Variants in HS1BP3 observed in about 807,000 individuals in gnomAD.
HS1BP3 encodes the protein HCLS1 binding protein 3, also known as HCLS1-binding protein 3.
A neutral mutation model predicts 33.5 loss-of-function variants in HS1BP3; 32 were observed. The ratio of observed to expected loss-of-function variants is 0.95; its 90% CI spans 0.72 to 1.28. The LOEUF (loss-of-function observed/expected upper bound fraction) is 1.28. Ranked by LOEUF, HS1BP3 falls within the 50% of genes most tolerant of loss-of-function variation. The pLI, the probability that HS1BP3 is intolerant of heterozygous loss-of-function variation, is 0.00. For missense variants in HS1BP3, 486 were observed against 502.3 expected (o/e 0.97, Z 0.31); for synonymous variants, 187 against 209.2 (o/e 0.89, Z 0.92).
At chr2:20,600,825 T>TA (rs552760597) in intron 2 of HS1BP3, among the ~76,000 whole-genome samples, 8 of 152,244 alleles carry the variant, frequency 5.3e-5, no homozygotes, top group Admixed American at 2.0e-4. Context: ...TGTATTTTTA[T>TA]AAAAAAATAT....
At chr2:20,593,732 G>T (rs75998307) in intron 3 of HS1BP3, among the ~76,000 whole-genome samples, 5,244 of 152,248 alleles carry the variant, frequency 0.034, 113 homozygotes, top group African/African-American at 0.058. Context: ...ACAGTTAGCC[G>T]AGTGTGTGCA....
intron 4 of HS1BP3, among the ~76,000 whole-genome samples, chr2:20,633,905 G>C (rs920869196): frequency 6.6e-6 from 1 of 152,260 alleles, no homozygotes; most frequent in Non-Finnish European, 1.5e-5. Context: ...GTGGAGTGCC[G>C]CCTGCGTGAC....
chr2:20,576,232 C>T (rs890381845), intron 5 of HS1BP3, among the ~76,000 whole-genome samples: 3 of 152,208 alleles, frequency 2.0e-5, no homozygotes, highest in African/African-American at 4.8e-5. Context: ...CCTCCTACCT[C>T]GGCCTCCAAA....
At chr2:20,579,367 C>A (rs949961332) in intron 5 of HS1BP3, among the ~76,000 whole-genome samples, 15 of 152,258 alleles carry the variant, frequency 9.9e-5, no homozygotes, top group African/African-American at 2.9e-4. Context: ...ACCGGGACTT[C>A]GAGAGACAGG....
chr2:20,571,248 C>T (rs1329173775), intron 5 of HS1BP3, among the ~76,000 whole-genome samples: 10 of 152,202 alleles, frequency 6.6e-5, no homozygotes, highest in Non-Finnish European at 1.0e-4. Context: ...TCAGGCCTTT[C>T]CCCCAGCCTT....
At chr2:20,631,180 T>C (rs1694955755) in intron 4 of HS1BP3, among the ~76,000 whole-genome samples, 1 of 152,112 alleles carries the variant, frequency 6.6e-6, no homozygotes, top group Non-Finnish European at 1.5e-5. Context: ...GGCTCACTTA[T>C]GCTTTCTACT....
chr2:20,587,921 C>T (rs979356330), downstream of HS1BP3, among the ~76,000 whole-genome samples: 2 of 152,094 alleles, frequency 1.3e-5, no homozygotes, highest in Non-Finnish European at 1.5e-5. Flanking sequence ...CCTGTCTCAA[C>T]GTCCGGGCCT....
chr2:20,584,012 T>C (rs1693622553), intron 5 of HS1BP3, among the ~76,000 whole-genome samples: 1 of 152,234 alleles, frequency 6.6e-6, no homozygotes, highest in Non-Finnish European at 1.5e-5. Flanking sequence ...AATTAGTGTT[T>C]TGACCCTCCA....
intron 5 of HS1BP3, among the ~76,000 whole-genome samples, chr2:20,563,928 G>A (rs575252975): frequency 5.6e-4 from 85 of 152,302 alleles, no homozygotes; most frequent in Non-Finnish European, 9.1e-4. Context: ...AGAAGCTCGG[G>A]GCAATGGAAC....
chr2:20,628,620 G>A (rs1694867566), intron 4 of HS1BP3, among the ~76,000 whole-genome samples: 1 of 145,532 alleles, frequency 6.9e-6, no homozygotes, highest in African/African-American at 2.5e-5. Flanking sequence ...GGGTGACAAA[G>A]TGAGACTTTG....
At chr2:20,585,700 C>T (rs1018157750) in intron 5 of HS1BP3, among the ~76,000 whole-genome samples, 1 of 152,220 alleles carries the variant, frequency 6.6e-6, no homozygotes, top group Non-Finnish European at 1.5e-5. Context: ...CATTAACGTC[C>T]TGCAGTGATC....
At chr2:20,578,959 G>T (rs958506197) in intron 5 of HS1BP3, among the ~76,000 whole-genome samples, 5 of 152,232 alleles carry the variant, frequency 3.3e-5, no homozygotes, top group Admixed American at 2.6e-4. Context: ...TGAAACCTCT[G>T]TTGAAGGCAG....
chr2:20,584,628 G>A (rs148140581), intron 5 of HS1BP3, among the ~76,000 whole-genome samples: 17 of 152,200 alleles, frequency 1.1e-4, no homozygotes, highest in African/African-American at 4.1e-4. Context: ...AGCTGATCCA[G>A]GGCTTCTTGG....
intron 2 of HS1BP3, among the ~76,000 whole-genome samples, chr2:20,642,362 T>TC (rs1553324162): frequency 6.6e-6 from 1 of 152,084 alleles, no homozygotes; most frequent in Admixed American, 6.5e-5. Flanking sequence ...AGGAGGCAGC[T>TC]GGGGGGATTT....
At chr2:20,585,746 GC>G (rs1180447356) in intron 5 of HS1BP3, among the ~76,000 whole-genome samples, 1 of 152,164 alleles carries the variant, frequency 6.6e-6, no homozygotes, top group Non-Finnish European at 1.5e-5. Context: ...TGGCCATTTT[GC>G]CTTGTTCGTT....
At chr2:20,564,593 C>T (rs1018597419) in intron 5 of HS1BP3, among the ~76,000 whole-genome samples, 1 of 152,166 alleles carries the variant, frequency 6.6e-6, no homozygotes, top group Admixed American at 6.5e-5. Context: ...AAGTGATTCT[C>T]ATGCCTTAGC....
At chr2:20,585,038 G>A (rs983094947) in intron 5 of HS1BP3, among the ~76,000 whole-genome samples, 5 of 152,180 alleles carry the variant, frequency 3.3e-5, no homozygotes, top group African/African-American at 9.6e-5. Flanking sequence ...CTTGGGAAAG[G>A]TACTTGCTCC....
chr2:20,589,962 C>A (rs907163312), downstream of HS1BP3, among the ~76,000 whole-genome samples: 1 of 152,182 alleles, frequency 6.6e-6, no homozygotes, highest in Non-Finnish European at 1.5e-5. Context: ...TGGGTCCCAG[C>A]AGCTCTCAGT....
At chr2:20,642,288 A>T (rs914986083) in intron 2 of HS1BP3, among the ~76,000 whole-genome samples, 3 of 152,000 alleles carry the variant, frequency 2.0e-5, no homozygotes, top group Non-Finnish European at 4.4e-5. Context: ...GTGTGTCTGG[A>T]ACACACATCC....
Sources: gnomAD v4.1 joint callset for allele counts (sites outside exome capture counted in the v4.1 genomes callset) on GRCh38, gnomAD v4.1.1 for gene constraint, MANE v1.5 for transcripts, NCBI Gene and HGNC (gene_info 2026-07-23, HGNC 2026-07-21) for gene names.